RARB: variants seen among roughly 807,000 people sequenced by gnomAD.
RARB encodes HBV-activated protein.
In RARB, 17 loss-of-function variants were observed where a neutral mutation model predicts 51.9. That is an observed-to-expected ratio of 0.33 (90% confidence interval 0.22 to 0.49). The LOEUF (loss-of-function observed/expected upper bound fraction) is 0.49. Among genes scored for constraint, RARB ranks in the 20% least tolerant of loss-of-function variants. The probability of loss-of-function intolerance (pLI) is 0.99; values close to 1 mark genes in which losing one functional copy is unlikely to be tolerated. For synonymous variants in RARB, 215 were observed against 195.4 expected (o/e 1.10, Z -0.84); for missense variants, 369 against 550.8 (o/e 0.67, Z 3.30).
At chr3:24,996,578 T>G (rs1382285228) in intron 2 of RARB, among the ~76,000 whole-genome samples, 2 of 152,138 alleles carry the variant, frequency 1.3e-5, no homozygotes, top group East Asian at 1.9e-4. Context: ...TTCTTTGATG[T>G]AGGCATTTAT....
At position 25,022,864 on chromosome 3, in the gene RARB, G is replaced by A. The variant is rs77127477; in HGVS notation, c.-379-37261G>A. ...GTGGCTGAAACAGGAGTGGACAGTC[G>A]GAGATGAGGACAGATATGTCAGGAG... On this transcript the variant is annotated intron_variant, in intron 2 of 11. Coordinates refer to the RARB transcript ENST00000383772. Among the ~76,000 whole-genome samples, 978 of 152,232 alleles carry A rather than the reference G, an allele frequency of 6.4e-3. 12 individuals are homozygous for A. Among genetic ancestry groups the A allele is most frequent in the African/African-American group, 0.022 (911 of 41,540 alleles).
intron 5 of RARB, among the ~76,000 whole-genome samples, chr3:25,204,909 A>G (rs1701496990): frequency 6.6e-6 from 1 of 152,136 alleles, no homozygotes; most frequent in Non-Finnish European, 1.5e-5. Flanking sequence ...TCATTCTCAG[A>G]TCTCAAGCTG....
chr3:25,524,616 TCCTC>T, intron 3 of RARB, among the ~76,000 whole-genome samples: 1 of 140,364 alleles, frequency 7.1e-6, no homozygotes, highest in East Asian at 2.3e-4. Context: ...CCCCCTCCCT[TCCTC>T]CCTCCCTGCC....
chr3:24,973,396 A>G (rs1696443421), intron 2 of RARB, among the ~76,000 whole-genome samples: 1 of 152,204 alleles, frequency 6.6e-6, no homozygotes, highest in African/African-American at 2.4e-5. Flanking sequence ...GAAGTACAAT[A>G]GTATAATGCC....
chr3:25,440,704 C>A (rs756663113), intron 1 of RARB, among the ~76,000 whole-genome samples: 61 of 151,340 alleles, frequency 4.0e-4, no homozygotes, highest in Admixed American at 6.6e-4. Context: ...ACCGGGGAGG[C>A]GGAGGTTGCA....
chr3:25,511,324 G>C (rs1253002340), intron 3 of RARB, among the ~76,000 whole-genome samples: 7 of 152,026 alleles, frequency 4.6e-5, no homozygotes, highest in African/African-American at 1.7e-4. Context: ...AGTAGGGACA[G>C]GTTTCACCGT....
intron 2 of RARB, among the ~76,000 whole-genome samples, chr3:24,951,290 A>G (rs1296772625): frequency 6.6e-6 from 1 of 152,120 alleles, no homozygotes; most frequent in Non-Finnish European, 1.5e-5. Context: ...TCCCATGCAG[A>G]GGAGGAAAAT....
intron 1 of RARB, among the ~76,000 whole-genome samples, chr3:25,457,272 G>A (rs535529900): frequency 3.3e-5 from 5 of 152,218 alleles, no homozygotes; most frequent in African/African-American, 1.2e-4. Context: ...GGCCAAATTT[G>A]TCAAGGATAA....
chr3:25,522,392 C>T (rs1698440840), intron 3 of RARB, among the ~76,000 whole-genome samples: 2 of 152,128 alleles, frequency 1.3e-5, no homozygotes, highest in African/African-American at 4.8e-5. Context: ...GCAATATACA[C>T]CCATCACCCT....
At chr3:25,049,511 C>G (rs1024125927) in intron 2 of RARB, among the ~76,000 whole-genome samples, 2 of 152,142 alleles carry the variant, frequency 1.3e-5, no homozygotes, top group Admixed American at 1.3e-4. Flanking sequence ...GGGTGGGAGA[C>G]TTACTGGAAT....
intron 5 of RARB, among the ~76,000 whole-genome samples, chr3:25,297,651 G>T (rs1404599598): frequency 6.6e-6 from 1 of 151,936 alleles, no homozygotes; most frequent in African/African-American, 2.4e-5. Context: ...CTTTATCAGC[G>T]TAATTATAGT....
At chr3:25,277,985 A>G (rs756335336) in intron 5 of RARB, among the ~76,000 whole-genome samples, 7 of 152,138 alleles carry the variant, frequency 4.6e-5, no homozygotes, top group African/African-American at 1.4e-4. Flanking sequence ...GTCTTCTTTC[A>G]TTCGATGTAA....
At chr3:25,035,071 G>C (rs987796985) in intron 2 of RARB, among the ~76,000 whole-genome samples, 20 of 152,164 alleles carry the variant, frequency 1.3e-4, no homozygotes, top group African/African-American at 3.6e-4. Flanking sequence ...TAATGAAAAA[G>C]CTGTTTCAAT....
chr3:25,176,294 T>TTTCTTTCTTTCTTTCTTTCTTTCTTTCC (rs1700741460), intron 5 of RARB, among the ~76,000 whole-genome samples: 1 of 9,196 alleles, frequency 1.1e-4, no homozygotes, highest in African/African-American at 3.3e-4. Flanking sequence ...ATATTTATCT[T>TTTCTTTCTTTCTTTCTTTCTTTCTTTCC]TTCTTTCTTT....
chr3:25,433,315 G>A (rs1708283350), intron 1 of RARB, among the ~76,000 whole-genome samples: 1 of 152,246 alleles, frequency 6.6e-6, no homozygotes. Flanking sequence ...GAAAGTCTTT[G>A]TTTGGATTCT....
At chr3:25,272,927 C>G (rs1320508511) in intron 5 of RARB, among the ~76,000 whole-genome samples, 1 of 152,186 alleles carries the variant, frequency 6.6e-6, no homozygotes, top group Admixed American at 6.5e-5. Flanking sequence ...CAAATTCTAT[C>G]AGTTTTTGAA....
chr3:24,844,020 C>T (rs1702454128), intron 1 of RARB, among the ~76,000 whole-genome samples: 1 of 152,070 alleles, frequency 6.6e-6, no homozygotes, highest in Admixed American at 6.6e-5. Context: ...GGGCTTGGCA[C>T]AAGTAGATCC....
intron 5 of RARB, among the ~76,000 whole-genome samples, chr3:25,320,398 G>A (rs1472288076): frequency 2.6e-5 from 4 of 152,006 alleles, no homozygotes; most frequent in East Asian, 1.9e-4. Flanking sequence ...CTGGCTGATC[G>A]TCTTTAGAGC....
chr3:25,479,146 GTCTGTCT>G (rs1350937960), intron 2 of RARB, among the ~76,000 whole-genome samples: 1 of 151,692 alleles, frequency 6.6e-6, no homozygotes, highest in African/African-American at 2.4e-5. Context: ...TTGTCTGTCT[GTCTGTCT>G]TCTTTTTTTT....
Sources: gnomAD v4.1 joint callset for allele counts (sites outside exome capture counted in the v4.1 genomes callset) on GRCh38, gnomAD v4.1.1 for gene constraint, MANE v1.5 for transcripts, NCBI Gene and HGNC (gene_info 2026-07-23, HGNC 2026-07-21) for gene names.